FSTL5: variants seen among roughly 807,000 people sequenced by gnomAD.
FSTL5 encodes the protein follistatin like 5, also known as follistatin-related protein 5.
A neutral mutation model predicts 89.1 loss-of-function variants in FSTL5; 62 were observed. The observed-to-expected ratio is 0.70, with a 90% CI of 0.57 to 0.86. The LOEUF (loss-of-function observed/expected upper bound fraction) is 0.86, where lower values mean the gene tolerates loss of function less well. FSTL5 is among the 40% of genes least tolerant of loss of function. FSTL5 has a pLI of 0.00. For missense variants in FSTL5, 1,057 were observed against 1,001.6 expected (o/e 1.06, Z -0.75); for synonymous variants, 383 against 346.2 (o/e 1.11, Z -1.18).
chr4:161,718,269 A>T (rs1219489675), intron 6 of FSTL5, among the ~76,000 whole-genome samples: 7 of 152,214 alleles, frequency 4.6e-5, no homozygotes, highest in Non-Finnish European at 1.0e-4. Flanking sequence ...AGCTTTATAT[A>T]GTAAGTAAAG....
intron 8 of FSTL5, among the ~76,000 whole-genome samples, chr4:161,580,838 A>G (rs1330641996): frequency 6.6e-6 from 1 of 152,206 alleles, no homozygotes; most frequent in Admixed American, 6.5e-5. Context: ...CACTAAACTA[A>G]CTAATAAGTA....
At chr4:161,984,678 T>C (rs1474184122) in intron 3 of FSTL5, among the ~76,000 whole-genome samples, 6 of 152,132 alleles carry the variant, frequency 3.9e-5, no homozygotes, top group Non-Finnish European at 8.8e-5. Flanking sequence ...TAATTTACTT[T>C]AGCTTACAAA....
intron 4 of FSTL5, among the ~76,000 whole-genome samples, chr4:161,818,218 C>T (rs1186125206): frequency 1.3e-5 from 2 of 152,174 alleles, no homozygotes; most frequent in Non-Finnish European, 2.9e-5. Flanking sequence ...CGGAGTTTGG[C>T]TGGAACAGTC....
At chr4:161,426,584 T>A (rs945111361) in intron 15 of FSTL5, among the ~76,000 whole-genome samples, 5 of 152,174 alleles carry the variant, frequency 3.3e-5, no homozygotes, top group African/African-American at 9.7e-5. Flanking sequence ...GAACAAATCA[T>A]CTAATAGAAG....
chr4:161,476,314 A>T (rs1471762662), intron 13 of FSTL5, among the ~76,000 whole-genome samples: 1 of 151,350 alleles, frequency 6.6e-6, no homozygotes, highest in African/African-American at 2.4e-5. Context: ...CAGCCTCCCA[A>T]GTAGCCGGGA....
intron 6 of FSTL5, among the ~76,000 whole-genome samples, chr4:161,683,937 C>T (rs1422790379): frequency 6.6e-6 from 1 of 152,130 alleles, no homozygotes; most frequent in African/African-American, 2.4e-5. Flanking sequence ...TCCATTGTGT[C>T]ATTCTTATGC....
At chr4:162,069,573 C>T (rs568297744) in intron 2 of FSTL5, among the ~76,000 whole-genome samples, 1 of 151,918 alleles carries the variant, frequency 6.6e-6, no homozygotes, top group Non-Finnish European at 1.5e-5. Context: ...CCTCTAATAA[C>T]CACAATTCTG....
chr4:161,953,839 T>C (rs904578619), intron 3 of FSTL5, among the ~76,000 whole-genome samples: 2 of 151,654 alleles, frequency 1.3e-5, no homozygotes, highest in South Asian at 4.1e-4. Flanking sequence ...AATTATAAGT[T>C]AGATAACTTG....
At chr4:161,658,669 T>G (rs969907762) in intron 6 of FSTL5, among the ~76,000 whole-genome samples, 5 of 152,278 alleles carry the variant, frequency 3.3e-5, no homozygotes, top group African/African-American at 1.2e-4. Flanking sequence ...TTCGAAACAC[T>G]AAAAGTTGAA....
intron 13 of FSTL5, among the ~76,000 whole-genome samples, chr4:161,460,240 T>TA (rs1394377345): frequency 2.0e-5 from 3 of 151,808 alleles, no homozygotes; most frequent in Non-Finnish European, 4.4e-5. Context: ...TCTTTTCTTT[T>TA]TTATTATTAT....
chr4:161,625,993 T>C (rs898929508), intron 7 of FSTL5, among the ~76,000 whole-genome samples: 2 of 152,040 alleles, frequency 1.3e-5, no homozygotes, highest in African/African-American at 4.8e-5. Flanking sequence ...CAGAGAAAAT[T>C]TGGAAGCTTT....
intron 4 of FSTL5, among the ~76,000 whole-genome samples, chr4:161,830,221 C>G (rs545684494): frequency 6.6e-6 from 1 of 152,038 alleles, no homozygotes; most frequent in Admixed American, 6.6e-5. Context: ...TTTCTTTGCA[C>G]TGCTGGAACA....
At chr4:161,579,635 T>G (rs1394341633) in intron 8 of FSTL5, among the ~76,000 whole-genome samples, 2 of 151,026 alleles carry the variant, frequency 1.3e-5, no homozygotes, top group African/African-American at 4.9e-5. Flanking sequence ...GAGAATTGCT[T>G]GAACCTGGGA....
At chr4:162,052,923 T>C (rs1185933943) in intron 2 of FSTL5, among the ~76,000 whole-genome samples, 1 of 151,636 alleles carries the variant, frequency 6.6e-6, no homozygotes, top group African/African-American at 2.4e-5. Flanking sequence ...AACAAGAAAA[T>C]ATGTTTTATA....
intron 2 of FSTL5, among the ~76,000 whole-genome samples, chr4:162,058,152 G>T (rs941296169): frequency 1.3e-5 from 2 of 152,074 alleles, no homozygotes; most frequent in Admixed American, 6.6e-5. Flanking sequence ...GTGAGTGTGG[G>T]TAATGAAATG....
intron 15 of FSTL5, among the ~76,000 whole-genome samples, chr4:161,441,728 G>A (rs191167216): frequency 6.6e-6 from 1 of 152,144 alleles, no homozygotes; most frequent in East Asian, 1.9e-4. Flanking sequence ...CAGGGTTCAA[G>A]GTTTTTTGAA....
rs544591606 is a variant in FSTL5 at position 161,970,838 on chromosome 4, T to C, written c.161-50186A>G. On this transcript the variant is annotated intron_variant, in intron 3 of 15. Transcript: ENST00000306100. Reference sequence around the variant, plus strand: ...AAAATTTTCAATAGATGATTGAAAATTTATTTGTATTCTAAGCAATTGTAA... The same window carrying C: ...AAAATTTTCAATAGATGATTGAAAACTTATTTGTATTCTAAGCAATTGTAA... 2.6e-5 allele frequency among the ~76,000 whole-genome samples: 4 copies of C among 152,118 alleles called. No individual in the cohort carries two copies. The South Asian group carries it at 8.3e-4, about 32-fold the overall frequency.
chr4:161,830,029 T>G (rs1298200119), intron 4 of FSTL5, among the ~76,000 whole-genome samples: 1 of 152,090 alleles, frequency 6.6e-6, no homozygotes, highest in Non-Finnish European at 1.5e-5. Flanking sequence ...CATCTTACTG[T>G]TTTTAAAATA....
intron 7 of FSTL5, among the ~76,000 whole-genome samples, chr4:161,616,391 C>T (rs909278020): frequency 5.9e-5 from 9 of 152,106 alleles, no homozygotes; most frequent in African/African-American, 2.2e-4. Flanking sequence ...AGTCTTCCAG[C>T]CTACATCTTT....
Sources: gnomAD v4.1 joint callset for allele counts (sites outside exome capture counted in the v4.1 genomes callset) on GRCh38, gnomAD v4.1.1 for gene constraint, MANE v1.5 for transcripts, NCBI Gene and HGNC (gene_info 2026-07-23, HGNC 2026-07-21) for gene names.